Variants in RELN observed in about 807,000 individuals in gnomAD.
The protein encoded by RELN is reelin.
A neutral mutation model predicts 427.6 loss-of-function variants in RELN; 108 were observed. That is an observed-to-expected ratio of 0.25 (90% CI 0.22 to 0.30). The LOEUF (loss-of-function observed/expected upper bound fraction) is 0.30. RELN is among the 10% of genes least tolerant of loss of function. RELN has a pLI of 1.00. For missense variants in RELN, 3,715 were observed against 4,302.8 expected (o/e 0.86, Z 3.82); for synonymous variants, 1,524 against 1,513.4 (o/e 1.01, Z -0.16).
intron 48 of RELN, among the ~76,000 whole-genome samples, chr7:103,521,409 G>T (rs1445723210): frequency 3.3e-5 from 5 of 152,184 alleles, no homozygotes; most frequent in Non-Finnish European, 7.3e-5. Context: ...TTCCAAGCTT[G>T]CTGCTGTCAC....
At chr7:103,827,296 C>G (rs548803520) in intron 3 of RELN, among the ~76,000 whole-genome samples, 54 of 151,754 alleles carry the variant, frequency 3.6e-4, no homozygotes, top group Non-Finnish European at 5.6e-4. Flanking sequence ...CCTAATATAA[C>G]CTGTGCTGTT....
chr7:103,590,773 T>C (rs1426359013), intron 27 of RELN, among the ~76,000 whole-genome samples: 2 of 152,164 alleles, frequency 1.3e-5, no homozygotes, highest in Non-Finnish European at 2.9e-5. Flanking sequence ...TAAATCCCAC[T>C]GGCCTATCAT....
At chr7:103,923,151 G>A (rs1795652607) in intron 1 of RELN, among the ~76,000 whole-genome samples, 2 of 152,024 alleles carry the variant, frequency 1.3e-5, no homozygotes, top group South Asian at 2.1e-4. Context: ...TTTGAATACA[G>A]AACAAATTAA....
At chr7:103,653,730 A>G (rs1276759686) in intron 13 of RELN, among the ~76,000 whole-genome samples, 1 of 152,010 alleles carries the variant, frequency 6.6e-6, no homozygotes, top group Non-Finnish European at 1.5e-5. Context: ...TCTTCTACCC[A>G]GGAGATCTCA....
chr7:103,612,251 C>G (rs1052478172), intron 20 of RELN, among the ~76,000 whole-genome samples: 1 of 151,532 alleles, frequency 6.6e-6, no homozygotes, highest in Non-Finnish European at 1.5e-5. Context: ...GGAACATTAT[C>G]TATCTTTCAA....
intron 1 of RELN, among the ~76,000 whole-genome samples, chr7:103,925,975 T>G (rs964719529): frequency 1.3e-5 from 2 of 151,836 alleles, no homozygotes; most frequent in South Asian, 4.2e-4. Flanking sequence ...TTCTATTATG[T>G]TTTTTTTACG....
At chr7:103,966,084 T>A (rs1473117311) in intron 1 of RELN, among the ~76,000 whole-genome samples, 1 of 152,142 alleles carries the variant, frequency 6.6e-6, no homozygotes, top group Non-Finnish European at 1.5e-5. Context: ...CAAGACAAGT[T>A]CCTATGGCAT....
At chr7:103,835,865 G>T (rs934434917) in intron 2 of RELN, among the ~76,000 whole-genome samples, 1 of 151,520 alleles carries the variant, frequency 6.6e-6, no homozygotes, top group Non-Finnish European at 1.5e-5. Flanking sequence ...CATAAATCTT[G>T]ATTTTCTTCC....
At position 103,545,353 on chromosome 7, in the gene RELN, G is replaced by C. The variant is rs200658237; in HGVS notation, c.6303-9C>G. On this transcript the variant is annotated splice_polypyrimidine_tract_variant and intron_variant, in intron 41 of 64. Transcript: ENST00000428762. ...ATCTGAAACGGACAGATCTGGAAAAGAGGACAAGTCTTTCAAAAGCTAATC... is the reference window on the plus strand; with the variant it reads ...ATCTGAAACGGACAGATCTGGAAAACAGGACAAGTCTTTCAAAAGCTAATC... The C allele has an allele frequency of 3.1e-6, 5 of 1,596,184 alleles. No individual in the cohort carries two copies. Among genetic ancestry groups the C allele is most frequent in the Non-Finnish European group, 3.4e-6 (4 of 1,163,964 alleles).
In RELN at chr7:103,553,779, A is replaced by C. The variant is rs1830466233; in HGVS notation, c.5850T>G (p.Asn1950Lys). ...CCAAGAGCATCACAGGGTTGTTTAC[A>C]TTATTTCCATCGATAATGAAGTCAT... ...IVDDFIIDGN[N>K]VNNPVMLLDT... The change falls in exon 39 of 65, where the codon AAT becomes AAG. Residue 1950 changes from asparagine (N) to lysine (K), a missense_variant. Asn to Lys is a moderately conservative substitution (Grantham distance 94, BLOSUM62 0). This residue lies in a region of RELN where 1,310 missense variants were observed against 1,643.0 expected (regional missense o/e 0.80). Transcript: ENST00000428762. 6.2e-7 allele frequency: 1 copy of C among 1,614,000 alleles called. No homozygotes were observed. Among genetic ancestry groups the C allele is most frequent in the African/African-American group, 1.3e-5 (1 of 74,926 alleles).
At position 103,723,075 on chromosome 7, in the gene RELN, T is replaced by C. The variant is rs145647221; in HGVS notation, c.805+65A>G. On this transcript the variant is annotated intron_variant, in intron 8 of 64. Coordinates refer to ENST00000428762, the MANE Select transcript of RELN (RefSeq NM_005045.4). ...AAAGCATCTGGCATTATAATCCTGA[T>C]TGCACACTATGTTTAAAGCAAACAT... is the stretch of plus-strand genomic sequence containing the variant. 4,328 of 988,156 alleles carry C rather than the reference T, an allele frequency of 4.4e-3. 23 individuals carry two copies. The highest frequency in any genetic ancestry group is 9.9e-3 in the Middle Eastern group (48 of 4,826). The allele number at this position is 988,156 out of a possible 1,614,324, so 61.2% of individuals were successfully genotyped here.
At chr7:103,725,309 T>C (rs2115919201) in intron 7 of RELN, among the ~76,000 whole-genome samples, 1 of 152,266 alleles carries the variant, frequency 6.6e-6, no homozygotes, top group Middle Eastern at 3.4e-3. Flanking sequence ...TCCCAGCACT[T>C]TAGGAAGCCA....
At chr7:103,516,927 G>C (rs553752995) in intron 49 of RELN, among the ~76,000 whole-genome samples, 20 of 151,948 alleles carry the variant, frequency 1.3e-4, no homozygotes, top group Non-Finnish European at 2.4e-4. Flanking sequence ...GATGCTTTTA[G>C]CTGGATTTAT....
At chr7:103,922,178 G>T (rs1195295288) in intron 1 of RELN, among the ~76,000 whole-genome samples, 1 of 151,962 alleles carries the variant, frequency 6.6e-6, no homozygotes, top group Non-Finnish European at 1.5e-5. Context: ...TATTCTTAGA[G>T]ATACATGAAA....
chr7:103,924,788 A>G (rs928925559), intron 1 of RELN, among the ~76,000 whole-genome samples: 3 of 152,200 alleles, frequency 2.0e-5, no homozygotes, highest in African/African-American at 7.2e-5. Flanking sequence ...CTTGGGAGAT[A>G]AAACAGGTGC....
chr7:103,814,645 A>AG (rs2116350471), intron 3 of RELN, among the ~76,000 whole-genome samples: 1 of 152,134 alleles, frequency 6.6e-6, no homozygotes, highest in Non-Finnish European at 1.5e-5. Flanking sequence ...AGAAGGGTGG[A>AG]GCTCAGCCTG....
intron 45 of RELN, among the ~76,000 whole-genome samples, chr7:103,536,080 A>G (rs147573565): frequency 1.1e-4 from 17 of 152,254 alleles, no homozygotes; most frequent in Non-Finnish European, 2.1e-4. Flanking sequence ...ACTAATGTCA[A>G]TTTTGACCCT....
intron 33 of RELN, 21 bp from the exon 34 acceptor site, chr7:103,565,572 A>C: frequency 6.2e-7 from 1 of 1,608,054 alleles, no homozygotes; most frequent in Non-Finnish European, 8.5e-7. Flanking sequence ...AAAATGTGTA[A>C]TGGTAGCATA....
At chr7:103,554,116 G>T (rs1830473630) in intron 38 of RELN, among the ~76,000 whole-genome samples, 1 of 151,858 alleles carries the variant, frequency 6.6e-6, no homozygotes, top group Non-Finnish European at 1.5e-5. Context: ...GGGTCCAGGA[G>T]TTTGAGGTTA....
Sources: gnomAD v4.1 joint callset for allele counts (sites outside exome capture counted in the v4.1 genomes callset) on GRCh38, gnomAD v4.1.1 for gene constraint, gnomAD v4.1.1 regional missense constraint, MANE v1.5 for transcripts, NCBI Gene and HGNC (gene_info 2026-07-23, HGNC 2026-07-21) for gene names.